Variants in OTUD7A observed in about 807,000 individuals in gnomAD.
The protein encoded by OTUD7A is OTU deubiquitinase 7A.
Under a neutral mutation model 65.7 loss-of-function variants are expected in OTUD7A, and 12 were observed. The observed-to-expected ratio is 0.18, with a 90% confidence interval of 0.12 to 0.30. The LOEUF is 0.30. Among genes scored for constraint, OTUD7A ranks in the 10% least tolerant of loss-of-function variants. The pLI is 1.00. For missense variants in OTUD7A, 1,148 were observed against 1,304.8 expected (o/e 0.88, Z 1.85); for synonymous variants, 641 against 586.3 (o/e 1.09, Z -1.35).
At chr15:31,537,964 C>T (rs964248012) in intron 5 of OTUD7A, among the ~76,000 whole-genome samples, 1 of 152,218 alleles carries the variant, frequency 6.6e-6, no homozygotes, top group Non-Finnish European at 1.5e-5. Context: ...TTGCTGACAG[C>T]GCCCTGCTTG....
At chr15:31,750,542 T>C (rs1041117373) in intron 1 of OTUD7A, among the ~76,000 whole-genome samples, 4 of 151,258 alleles carry the variant, frequency 2.6e-5, no homozygotes, top group African/African-American at 9.7e-5. Flanking sequence ...AGAGCCTGAA[T>C]AGCCAAAGAA....
chr15:31,665,956 G>A (rs71476555), intron 1 of OTUD7A, among the ~76,000 whole-genome samples: 56 of 151,392 alleles, frequency 3.7e-4, no homozygotes, highest in Non-Finnish European at 5.6e-4. Context: ...GGTACATTGC[G>A]TTTATTGACT....
chr15:31,566,888 C>T (rs1254066300), intron 4 of OTUD7A, among the ~76,000 whole-genome samples: 1 of 152,210 alleles, frequency 6.6e-6, no homozygotes, highest in Non-Finnish European at 1.5e-5. Context: ...TCCCCAGAAG[C>T]TGAGCAGATG....
At chr15:31,697,835 T>C (rs2625847) in intron 1 of OTUD7A, among the ~76,000 whole-genome samples, 2,422 of 140,054 alleles carry the variant, frequency 0.017, 56 homozygotes, top group African/African-American at 0.057. Context: ...GTTAGCATTG[T>C]GCCACTTCTC....
At chr15:31,713,388 G>T (rs1050718002) in intron 1 of OTUD7A, among the ~76,000 whole-genome samples, 1 of 152,166 alleles carries the variant, frequency 6.6e-6, no homozygotes, top group African/African-American at 2.4e-5. Context: ...GGAGGCTGGG[G>T]CGAGCAGATC....
intron 12 of OTUD7A, among the ~76,000 whole-genome samples, chr15:31,486,753 G>T (rs538111216): frequency 6.6e-6 from 1 of 152,206 alleles, no homozygotes; most frequent in East Asian, 1.9e-4. Context: ...TTTTTTTGAG[G>T]ACCCACACGG....
chr15:31,631,589 G>A (rs1472604845), intron 3 of OTUD7A, among the ~76,000 whole-genome samples: 2 of 152,126 alleles, frequency 1.3e-5, no homozygotes, highest in East Asian at 1.9e-4. Flanking sequence ...TTCTCGAGGA[G>A]TATCTTTGTG....
At chr15:31,642,808 T>C (rs1891556299) in intron 3 of OTUD7A, among the ~76,000 whole-genome samples, 1 of 152,130 alleles carries the variant, frequency 6.6e-6, no homozygotes, top group Non-Finnish European at 1.5e-5. Context: ...GGTTTATCAA[T>C]TTTATTGATC....
At chr15:31,612,432 A>G (rs1156338771) in intron 3 of OTUD7A, among the ~76,000 whole-genome samples, 1 of 152,206 alleles carries the variant, frequency 6.6e-6, no homozygotes, top group East Asian at 1.9e-4. Context: ...TAGAACTGCT[A>G]AAAGAATTCA....
At chr15:31,637,512 A>G (rs1408640462) in intron 3 of OTUD7A, among the ~76,000 whole-genome samples, 1 of 152,234 alleles carries the variant, frequency 6.6e-6, no homozygotes, top group Non-Finnish European at 1.5e-5. Flanking sequence ...TCCATTCTGT[A>G]CTCCACGGAT....
rs115922642 is a variant in OTUD7A at position 31,496,109 on chromosome 15, C to T, written c.1171+5581G>A. 2.5e-3 allele frequency among the ~76,000 whole-genome samples: 377 copies of T among 151,756 alleles called. 1 individual carries two copies. The highest frequency in any genetic ancestry group is 8.8e-3 in the African/African-American group (364 of 41,378). On this transcript the variant is annotated intron_variant, in intron 10 of 12. Transcript: ENST00000307050. ...TTCAAAAAAAAAAACTTTCTTGCCA[C>T]CATGAACTAAGCTGATTCTTACCGT...
At position 31,799,161 on chromosome 15, in the gene OTUD7A, A is replaced by G. The variant is rs188261892; in HGVS notation, c.-100+71346T>C. 5.2e-3 allele frequency among the ~76,000 whole-genome samples: 793 copies of G among 152,308 alleles called. 10 individuals carry two copies. The highest frequency in any genetic ancestry group is 0.018 in the African/African-American group (763 of 41,568). ...AGGCTGGAGTGGCTGGGGTGAATCC[A>G]GCAAAGACACGGGAGAGGAGGGCAC... On this transcript the variant is annotated intron_variant, in intron 1 of 12. Coordinates refer to ENST00000307050, the MANE Select transcript of OTUD7A (RefSeq NM_001382637.1).
intron 3 of OTUD7A, among the ~76,000 whole-genome samples, chr15:31,632,512 G>C (rs1019041108): frequency 2.0e-5 from 3 of 152,252 alleles, no homozygotes; most frequent in African/African-American, 7.2e-5. Flanking sequence ...ACCTGGCCGT[G>C]TGAGGTGTCA....
intron 3 of OTUD7A, among the ~76,000 whole-genome samples, chr15:31,580,258 G>A (rs1215529026): frequency 6.6e-6 from 1 of 152,146 alleles, no homozygotes; most frequent in African/African-American, 2.4e-5. Context: ...TAGGATGATG[G>A]TAGCAGGGCG....
intron 1 of OTUD7A, among the ~76,000 whole-genome samples, chr15:31,847,938 C>T (rs949554772): frequency 1.2e-4 from 19 of 152,212 alleles, no homozygotes; most frequent in Non-Finnish European, 1.3e-4. Context: ...AACCCACTCA[C>T]TATCATGAGA....
At chr15:31,575,892 T>A (rs1035525066) in intron 3 of OTUD7A, among the ~76,000 whole-genome samples, 4 of 152,088 alleles carry the variant, frequency 2.6e-5, no homozygotes, top group Admixed American at 2.6e-4. Flanking sequence ...TGAACACACA[T>A]AAATAAATAG....
At chr15:31,504,353 G>A (rs2041523546) in intron 8 of OTUD7A, among the ~76,000 whole-genome samples, 1 of 152,164 alleles carries the variant, frequency 6.6e-6, no homozygotes, top group South Asian at 2.1e-4. Context: ...TCAATCCAGA[G>A]CTGGAGGGGA....
At chr15:31,633,966 G>A (rs1169856768) in intron 3 of OTUD7A, among the ~76,000 whole-genome samples, 1 of 152,146 alleles carries the variant, frequency 6.6e-6, no homozygotes, top group Non-Finnish European at 1.5e-5. Context: ...TGTCTCACTC[G>A]ACCGACACAC....
At chr15:31,502,201 C>T (rs187906059) in intron 9 of OTUD7A, among the ~76,000 whole-genome samples, 1 of 152,326 alleles carries the variant, frequency 6.6e-6, no homozygotes, top group African/African-American at 2.4e-5. Flanking sequence ...GTGCGCTTCT[C>T]AAGGGTGTAT....
Sources: gnomAD v4.1 joint callset for allele counts (sites outside exome capture counted in the v4.1 genomes callset) on GRCh38, gnomAD v4.1.1 for gene constraint, MANE v1.5 for transcripts, NCBI Gene and HGNC (gene_info 2026-07-23, HGNC 2026-07-21) for gene names.